Variants in KANK1 observed in about 807,000 individuals in gnomAD.
KANK1 encodes the protein KN motif and ankyrin repeat domain-containing protein 1.
A neutral mutation model predicts 106.2 loss-of-function variants in KANK1; 109 were observed. The observed-to-expected ratio is 1.03, with a 90% CI of 0.88 to 1.20. KANK1 has a LOEUF of 1.20. Ranked by LOEUF, KANK1 falls within the 50% of genes most tolerant of loss-of-function variation. The probability of loss-of-function intolerance (pLI) is 0.00; values close to 1 mark genes in which losing one functional copy is unlikely to be tolerated. For synonymous variants in KANK1, 873 were observed against 652.2 expected, an observed-to-expected ratio of 1.34 and a Z score of -5.16; for missense variants, 2,399 against 1,710.7, an observed-to-expected ratio of 1.40 and a Z score of -7.10.
At chr9:585,996 CAAG>C (rs1285578065) in intron 1 of KANK1, among the ~76,000 whole-genome samples, 2 of 152,110 alleles carry the variant, frequency 1.3e-5, no homozygotes, top group Admixed American at 6.5e-5. Context: ...AGTTATAAGA[CAAG>C]AGAACTTCAA....
In KANK1 at chr9:515,277, G is replaced by A. The variant is rs528232996; in HGVS notation, c.-84+10523G>A. ...GGAGAATGGCGTGAACCCAGGAGGC[G>A]GAGCTTGCAGTGAGCCGAGATCGTG... On this transcript the variant is annotated intron_variant, in intron 1 of 11. Coordinates refer to ENST00000382297, the MANE Select transcript of KANK1 (RefSeq NM_015158.5). Among the ~76,000 whole-genome samples, 14 of 150,958 alleles carry A rather than the reference G, an allele frequency of 9.3e-5. 1 individual carries two copies. The highest frequency in any genetic ancestry group is 3.4e-4 in the African/African-American group (14 of 40,640).
At chr9:734,919 G>A (rs1179599365) in intron 7 of KANK1, 84 bp downstream of exon 7, 61 of 963,102 alleles carry the variant, frequency 6.3e-5, no homozygotes, top group Non-Finnish European at 8.8e-5. Flanking sequence ...TAGGCTGCCC[G>A]AGCTGTTGCT....
intron 1 of KANK1, among the ~76,000 whole-genome samples, chr9:523,080 A>G (rs2059622835): frequency 6.6e-6 from 1 of 151,568 alleles, no homozygotes; most frequent in African/African-American, 2.4e-5. Context: ...AGTGTGGTTG[A>G]TATTCCAATC....
At chr9:742,584 A>G (rs771592988) in intron 10 of KANK1, among the ~76,000 whole-genome samples, 179 bp downstream of exon 10, 1 of 152,182 alleles carries the variant, frequency 6.6e-6, no homozygotes, top group South Asian at 2.1e-4. Flanking sequence ...TGTGTGTGCA[A>G]ACTAACACGC....
At chr9:677,955 C>T (rs902520848) in intron 2 of KANK1, among the ~76,000 whole-genome samples, 5 of 152,118 alleles carry the variant, frequency 3.3e-5, no homozygotes, top group Admixed American at 2.0e-4. Flanking sequence ...GACCAGTGAG[C>T]GCACCAGAAA....
intron 1 of KANK1, among the ~76,000 whole-genome samples, chr9:560,791 G>T (rs1565791): frequency 1.3e-5 from 2 of 151,134 alleles, no homozygotes; most frequent in African/African-American, 4.9e-5. Flanking sequence ...AAAAAAAAAA[G>T]GCTGCAAAAA....
At chr9:730,290 G>A (rs768592970) in intron 4 of KANK1, 42 bp downstream of exon 4, 5 of 1,566,808 alleles carry the variant, frequency 3.2e-6, no homozygotes, top group Non-Finnish European at 3.5e-6. Flanking sequence ...AGGATTCTAG[G>A]GCCAGCATTG....
intron 2 of KANK1, among the ~76,000 whole-genome samples, chr9:705,221 C>T (rs957284159): frequency 2.0e-5 from 3 of 152,220 alleles, no homozygotes; most frequent in African/African-American, 7.2e-5. Flanking sequence ...CACAGTGGCT[C>T]ACAGCTGTAA....
At chr9:602,441 G>A (rs1828000176) in intron 1 of KANK1, among the ~76,000 whole-genome samples, 1 of 151,522 alleles carries the variant, frequency 6.6e-6, no homozygotes, top group Admixed American at 6.6e-5. Flanking sequence ...TGTATTTTTA[G>A]TAGAGATGTG....
At chr9:488,635 A>G (rs895260361) in intron 3 of KANK1, among the ~76,000 whole-genome samples, 2 of 152,196 alleles carry the variant, frequency 1.3e-5, no homozygotes, top group Non-Finnish European at 2.9e-5. Flanking sequence ...TGAATCAGTC[A>G]ATGTAATCAA....
At chr9:683,045 T>C (rs965324330) in intron 2 of KANK1, among the ~76,000 whole-genome samples, 10 of 152,202 alleles carry the variant, frequency 6.6e-5, no homozygotes, top group Non-Finnish European at 1.3e-4. Flanking sequence ...CTGGTCTGGC[T>C]AGAACCCACC....
chr9:663,374 A>G (rs537098589), intron 1 of KANK1, among the ~76,000 whole-genome samples: 1 of 152,308 alleles, frequency 6.6e-6, no homozygotes, highest in South Asian at 2.1e-4. Flanking sequence ...TATAAAGTCA[A>G]GGTTTAGGTG....
Position 523,465 on chromosome 9 carries a change from C to G in KANK1, c.-84+18711C>G, listed in dbSNP as rs552101893. ...CTCTGCTTCCCTTGCAATCCATTCT[C>G]AACAGCCATCTTTTAAAAACAAAAG... On this transcript the variant is annotated intron_variant, in intron 1 of 11. Coordinates refer to ENST00000382297, the MANE Select transcript of KANK1 (RefSeq NM_015158.5). 3.3e-5 allele frequency among the ~76,000 whole-genome samples: 5 copies of G among 151,948 alleles called. No homozygotes were observed. The East Asian group carries it at 9.6e-4, about 29-fold the overall frequency.
intron 1 of KANK1, among the ~76,000 whole-genome samples, chr9:580,077 C>A (rs1587991545): frequency 6.6e-6 from 1 of 152,158 alleles, no homozygotes; most frequent in African/African-American, 2.4e-5. Flanking sequence ...TTTGTTCCTT[C>A]TGATGTTCGT....
intron 1 of KANK1, among the ~76,000 whole-genome samples, chr9:522,369 G>C (rs537605346): frequency 5.9e-4 from 90 of 151,806 alleles, no homozygotes; most frequent in South Asian, 5.0e-3. Flanking sequence ...GACTCTGTGT[G>C]GGGGAGTGCA....
chr9:634,349 G>A (rs1836545852), intron 1 of KANK1, among the ~76,000 whole-genome samples: 1 of 152,130 alleles, frequency 6.6e-6, no homozygotes, highest in Admixed American at 6.5e-5. Context: ...GGACTTCCTT[G>A]GTTGAGTTAT....
At chr9:692,102 C>G (rs202034938) in intron 2 of KANK1, among the ~76,000 whole-genome samples, 2 of 151,768 alleles carry the variant, frequency 1.3e-5, no homozygotes, top group South Asian at 2.1e-4. Context: ...AAATTCAAAA[C>G]GGGACAGCTG....
At chr9:605,070 G>A (rs905882889) in intron 1 of KANK1, among the ~76,000 whole-genome samples, 4 of 151,632 alleles carry the variant, frequency 2.6e-5, no homozygotes, top group South Asian at 2.1e-4. Flanking sequence ...TTGGGAGGCC[G>A]AGGCAGGCAG....
intron 1 of KANK1, among the ~76,000 whole-genome samples, chr9:536,136 A>T (rs2060286830): frequency 6.6e-6 from 1 of 152,236 alleles, no homozygotes; most frequent in African/African-American, 2.4e-5. Context: ...TCAGGAGTTA[A>T]AGACCATCCT....
Sources: gnomAD v4.1 joint callset for allele counts (sites outside exome capture counted in the v4.1 genomes callset) on GRCh38, gnomAD v4.1.1 for gene constraint, MANE v1.5 for transcripts, NCBI Gene and HGNC (gene_info 2026-07-23, HGNC 2026-07-21) for gene names.